CALN1: variants seen among roughly 807,000 people sequenced by gnomAD.
CALN1 encodes calcium-binding protein 8.
Under a neutral mutation model 30.6 loss-of-function variants are expected in CALN1, and 17 were observed. The observed-to-expected ratio is 0.56, with a 90% CI of 0.38 to 0.83. The LOEUF (loss-of-function observed/expected upper bound fraction) is 0.83, where lower values mean the gene tolerates loss of function less well. Ranked by LOEUF, CALN1 falls within the 40% of genes least tolerant of loss-of-function variation. The pLI is 0.00. For missense variants in CALN1, 291 were observed against 354.9 expected (o/e 0.82, Z 1.45); for synonymous variants, 156 against 131.4 (o/e 1.19, Z -1.28).
rs1034577299 is a variant in CALN1 at position 71,779,639 on chromosome 7, T to C, written c.*8136A>G. 6.6e-6 allele frequency: 1 copy of C among 152,212 alleles called. No individual in the cohort carries two copies. Among genetic ancestry groups the C allele is most frequent in the African/African-American group, 2.4e-5 (1 of 41,454 alleles). The allele number at this position is 152,212 out of a possible 1,614,324, so 9.4% of individuals were successfully genotyped here. On this transcript the variant is annotated 3_prime_UTR_variant, in exon 7 of 7. Coordinates refer to ENST00000395275, the MANE Select transcript of CALN1 (RefSeq NM_031468.4). ...TTTTCCTTTATACACTAAGATAACA[T>C]ATTAATAATATATACTTCATTTGAT...
At chr7:72,283,213 G>A (rs1405251393) in intron 2 of CALN1, among the ~76,000 whole-genome samples, 3 of 151,922 alleles carry the variant, frequency 2.0e-5, no homozygotes, top group African/African-American at 7.3e-5. Context: ...GAAGAGAATA[G>A]TACTGTTGTA....
chr7:72,165,958 C>T (rs1032841265), intron 3 of CALN1, among the ~76,000 whole-genome samples: 11 of 152,080 alleles, frequency 7.2e-5, no homozygotes, highest in African/African-American at 1.7e-4. Flanking sequence ...GGGCTGCTAC[C>T]CAAATTGTGT....
At chr7:72,371,671 G>A (rs140458076) in intron 2 of CALN1, among the ~76,000 whole-genome samples, 216 of 152,282 alleles carry the variant, frequency 1.4e-3, no homozygotes, top group Non-Finnish European at 2.7e-3. Flanking sequence ...AATGTAGCAT[G>A]TATGTATGCA....
At chr7:72,003,884 T>C (rs1395537458) in intron 5 of CALN1, among the ~76,000 whole-genome samples, 1 of 152,218 alleles carries the variant, frequency 6.6e-6, no homozygotes, top group Non-Finnish European at 1.5e-5. Context: ...AACCAGTCTC[T>C]GGTGCCAGAA....
chr7:72,364,765 C>G (rs1294312798), intron 2 of CALN1, among the ~76,000 whole-genome samples: 3 of 152,176 alleles, frequency 2.0e-5, no homozygotes, highest in Admixed American at 6.5e-5. Flanking sequence ...ATTCATATAT[C>G]AAAACATCAC....
At chr7:72,167,529 G>C (rs922360854) in intron 3 of CALN1, among the ~76,000 whole-genome samples, 6 of 152,146 alleles carry the variant, frequency 3.9e-5, no homozygotes, top group Non-Finnish European at 8.8e-5. Flanking sequence ...AATTTTAGTA[G>C]AGATGAGGTT....
At chr7:72,448,328 G>A (rs927511787), upstream of CALN1, among the ~76,000 whole-genome samples, 2 of 152,204 alleles carry the variant, frequency 1.3e-5, no homozygotes, top group African/African-American at 2.4e-5. Context: ...GAGCAAACCC[G>A]TGTTGGGAGT....
chr7:72,371,656 G>A (rs144843141), intron 2 of CALN1, among the ~76,000 whole-genome samples: 13 of 152,228 alleles, frequency 8.5e-5, no homozygotes, highest in East Asian at 1.9e-4. Context: ...GCATAAGAAT[G>A]GACTAATGTA....
intron 3 of CALN1, among the ~76,000 whole-genome samples, chr7:72,236,477 A>G (rs1794481371): frequency 6.6e-6 from 1 of 152,182 alleles, no homozygotes; most frequent in Non-Finnish European, 1.5e-5. Flanking sequence ...TGTTCGTTAA[A>G]CCAGGAAATC....
chr7:72,317,872 A>G (rs1317167426), intron 2 of CALN1, among the ~76,000 whole-genome samples: 3 of 152,226 alleles, frequency 2.0e-5, no homozygotes, highest in African/African-American at 7.2e-5. Context: ...AACAGATGAA[A>G]AAGTAAGGAC....
At chr7:71,884,045 C>G (rs1333936312) in intron 5 of CALN1, among the ~76,000 whole-genome samples, 1 of 152,142 alleles carries the variant, frequency 6.6e-6, no homozygotes, top group Admixed American at 6.5e-5. Context: ...TCCCGAGTAG[C>G]TGGGACTACA....
intron 5 of CALN1, among the ~76,000 whole-genome samples, chr7:71,830,170 A>G (rs746143934): frequency 6.6e-6 from 1 of 151,438 alleles, no homozygotes; most frequent in South Asian, 2.1e-4. Context: ...CAGCCTCCCG[A>G]ATAGCTGGGA....
intron 5 of CALN1, among the ~76,000 whole-genome samples, chr7:71,940,986 T>A (rs1213930588): frequency 6.6e-6 from 1 of 152,200 alleles, no homozygotes; most frequent in Non-Finnish European, 1.5e-5. Flanking sequence ...AAGGAAATTA[T>A]TTTCCAAACA....
intron 5 of CALN1, among the ~76,000 whole-genome samples, chr7:71,910,232 C>T (rs975906238): frequency 2.0e-5 from 3 of 152,194 alleles, no homozygotes; most frequent in East Asian, 1.9e-4. Context: ...GCCATATCAA[C>T]GCCAGACCTG....
upstream of CALN1, among the ~76,000 whole-genome samples, chr7:72,447,611 G>A (rs1808568112): frequency 6.6e-6 from 1 of 152,172 alleles, no homozygotes; most frequent in Non-Finnish European, 1.5e-5. Context: ...TGAGAGCACT[G>A]CCACTTATGT....
chr7:72,225,464 T>C (rs1430583411), intron 3 of CALN1, among the ~76,000 whole-genome samples: 1 of 152,068 alleles, frequency 6.6e-6, no homozygotes, highest in Admixed American at 6.5e-5. Context: ...TTCCGCCGTG[T>C]TGGTCAAGCT....
intron 3 of CALN1, among the ~76,000 whole-genome samples, chr7:72,186,864 A>C (rs935417316): frequency 2.7e-5 from 4 of 146,132 alleles, no homozygotes; most frequent in African/African-American, 1.0e-4. Context: ...ATAGTGCTGC[A>C]ATAAACATAT....
Position 71,927,664 on chromosome 7 carries a change from T to C in CALN1, c.501+95993A>G, listed in dbSNP as rs548538347. On this transcript the variant is annotated intron_variant, in intron 5 of 6. Transcript: ENST00000395275. ...TTTTATGCTCTTCCTCTTCTCTCAG[T>C]GATAGATTGCTACTGTTACTTGATG... Among the ~76,000 whole-genome samples, 166 of 152,316 alleles carry C rather than the reference T, an allele frequency of 1.1e-3. 1 individual carries two copies. The highest frequency in any genetic ancestry group is 1.8e-3 in the Non-Finnish European group (125 of 68,032).
In CALN1 at chr7:72,023,688, A is replaced by G. The variant is rs759269503; in HGVS notation, c.470T>C (p.Leu157Pro). 2 of 1,614,084 alleles carry G rather than the reference A, an allele frequency of 1.2e-6. No individual in the cohort carries two copies. The highest frequency in any genetic ancestry group is 2.2e-5 in the South Asian group (2 of 91,066). ...GAATATGCTGTCTATCGTGTTCCCA[A>G]GAAAACCATCGCGACCTTCTGAAGA... ...LVSSEGRDGF[L>P]GNTIDSIFWQ... The change falls in exon 5 of 7, where the codon CTT becomes CCT. Residue 157 changes from leucine to proline, a missense_variant. By Grantham distance (98) the Leu-to-Pro change is moderately conservative. Coordinates refer to ENST00000395275, the MANE Select transcript of CALN1 (RefSeq NM_031468.4).
Sources: gnomAD v4.1 joint callset for allele counts (sites outside exome capture counted in the v4.1 genomes callset) on GRCh38, gnomAD v4.1.1 for gene constraint, MANE v1.5 for transcripts, NCBI Gene and HGNC (gene_info 2026-07-23, HGNC 2026-07-21) for gene names.